CSNK1G1: variants seen among roughly 807,000 people sequenced by gnomAD.
CSNK1G1 encodes casein kinase I isoform gamma-1.
CSNK1G1 carries 22 observed loss-of-function variants against 59.6 expected under a neutral mutation model. That is an observed-to-expected ratio of 0.37 (90% CI 0.26 to 0.53). The LOEUF is 0.53. Ranked by LOEUF, CSNK1G1 falls within the 20% of genes least tolerant of loss-of-function variation. The probability of loss-of-function intolerance (pLI) is 0.89; values close to 1 mark genes in which losing one functional copy is unlikely to be tolerated. For synonymous variants in CSNK1G1, 179 were observed against 177.1 expected, an observed-to-expected ratio of 1.01 and a Z score of -0.08; for missense variants, 384 against 519.5, an observed-to-expected ratio of 0.74 and a Z score of 2.54.
intron 2 of CSNK1G1, among the ~76,000 whole-genome samples, chr15:64,297,628 T>C (rs1388562357): frequency 1.3e-5 from 2 of 151,670 alleles, no homozygotes; most frequent in Non-Finnish European, 2.9e-5. Context: ...AGCCTGGGAG[T>C]TGGAGGCTGC....
At chr15:64,249,015 C>T (rs960459426) in intron 4 of CSNK1G1, among the ~76,000 whole-genome samples, 15 of 152,058 alleles carry the variant, frequency 9.9e-5, no homozygotes, top group Non-Finnish European at 1.9e-4. Flanking sequence ...CCCAGCTACT[C>T]GGGAGGCTGA....
intron 11 of CSNK1G1, among the ~76,000 whole-genome samples, chr15:64,174,700 G>A (rs1305408091): frequency 6.6e-6 from 1 of 152,144 alleles, no homozygotes; most frequent in African/African-American, 2.4e-5. Context: ...CCAGGCCTCT[G>A]ACCCACTACC....
chr15:64,216,359 A>G lies in CSNK1G1; in HGVS notation c.444+203T>C, dbSNP rs1038692768. On this transcript the variant is annotated intron_variant, in intron 5 of 11. Coordinates refer to ENST00000303052, the MANE Select transcript of CSNK1G1 (RefSeq NM_022048.5). The surrounding 1 kb of genome is among the most constrained non-coding windows in gnomAD (Gnocchi z 4.6). The stretch of plus-strand genomic sequence containing the variant: ...GGCAGAGCATTGCTCCAAGGTGCAA[A>G]GTCTTAAAATAGAGCAAATTGCAGA... Among the ~76,000 whole-genome samples, 1 of 152,178 alleles carries G rather than the reference A, an allele frequency of 6.6e-6. No individual in the cohort carries two copies. The highest frequency in any genetic ancestry group is 1.5e-5 in the Non-Finnish European group (1 of 68,040).
chr15:64,243,602 C>T (rs1891592047), intron 4 of CSNK1G1, among the ~76,000 whole-genome samples: 1 of 152,012 alleles, frequency 6.6e-6, no homozygotes, highest in Non-Finnish European at 1.5e-5. Flanking sequence ...AGGAGGAAGT[C>T]GAATTGTCCC....
intron 7 of CSNK1G1, among the ~76,000 whole-genome samples, chr15:64,206,693 A>G (rs2082187148): frequency 6.6e-6 from 1 of 151,856 alleles, no homozygotes; most frequent in South Asian, 2.1e-4. Flanking sequence ...AAAGGCACAG[A>G]GTAATGATAA....
At chr15:64,354,395 T>C (rs1252093973) in intron 1 of CSNK1G1, among the ~76,000 whole-genome samples, 1 of 152,246 alleles carries the variant, frequency 6.6e-6, no homozygotes, top group Non-Finnish European at 1.5e-5. Context: ...TGTTAAGATT[T>C]ACATACATTA....
At chr15:64,261,583 A>G (rs549546955) in intron 2 of CSNK1G1, among the ~76,000 whole-genome samples, 2 of 152,020 alleles carry the variant, frequency 1.3e-5, no homozygotes, top group East Asian at 3.9e-4. Flanking sequence ...CATGGGAGAG[A>G]GGAACAAAAC....
chr15:64,338,661 C>CTGCA (rs1305589879), intron 1 of CSNK1G1, among the ~76,000 whole-genome samples: 2 of 123,912 alleles, frequency 1.6e-5, no homozygotes, highest in Non-Finnish European at 3.2e-5. Flanking sequence ...GATCGTGCCA[C>CTGCA]TGCACTCCAG....
At chr15:64,262,362 G>C (rs1167357583) in intron 2 of CSNK1G1, among the ~76,000 whole-genome samples, 2 of 152,222 alleles carry the variant, frequency 1.3e-5, no homozygotes, top group African/African-American at 2.4e-5. Context: ...GGCACAAGCA[G>C]CACTTGAAGT....
intron 2 of CSNK1G1, among the ~76,000 whole-genome samples, chr15:64,275,544 C>T (rs959068045): frequency 2.6e-5 from 4 of 152,020 alleles, no homozygotes; most frequent in Non-Finnish European, 4.4e-5. Flanking sequence ...AAAGGGCTTA[C>T]CTATCAACAA....
chr15:64,288,311 T>G (rs1894536407), intron 2 of CSNK1G1, among the ~76,000 whole-genome samples: 1 of 152,086 alleles, frequency 6.6e-6, no homozygotes, highest in Non-Finnish European at 1.5e-5. Context: ...CATAAGTATA[T>G]TGGGAGAATA....
At chr15:64,305,257 G>A (rs1231132700) in intron 1 of CSNK1G1, among the ~76,000 whole-genome samples, 2 of 152,056 alleles carry the variant, frequency 1.3e-5, no homozygotes, top group African/African-American at 4.8e-5. Flanking sequence ...ATCATACCCA[G>A]AATAAGTATT....
In CSNK1G1 at chr15:64,214,149, A is replaced by G; in HGVS notation, c.445-25T>C. 3 of 1,500,040 alleles carry G rather than the reference A, an allele frequency of 2.0e-6. No individual in the cohort carries two copies. The highest frequency in any genetic ancestry group is 2.8e-5 in the African/African-American group (2 of 72,688). 92.9% of individuals were successfully genotyped at this position (1,500,040 alleles called of 1,614,324 possible). A position where few individuals can be genotyped will look rare whatever the true frequency, so the allele number is the denominator to read the frequency against. On this transcript the variant is annotated intron_variant, in intron 5 of 11. Transcript: ENST00000303052. The surrounding 1 kb of genome is among the most constrained non-coding windows in gnomAD (Gnocchi z 4.3). ...GCTGAAAGAGAAACAAATGATAGAA[A>G]GACTGTAAAGAAGTATATCAGGAAA... is the stretch of plus-strand genomic sequence containing the variant.
chr15:64,187,197 T>G (rs2081908658), intron 10 of CSNK1G1, among the ~76,000 whole-genome samples: 1 of 151,374 alleles, frequency 6.6e-6, no homozygotes, highest in African/African-American at 2.4e-5. Flanking sequence ...CCATCATGGT[T>G]TTTTTTGGGG....
chr15:64,260,718 A>G (rs909062398), intron 2 of CSNK1G1, among the ~76,000 whole-genome samples: 5 of 152,188 alleles, frequency 3.3e-5, no homozygotes, highest in African/African-American at 1.2e-4. Flanking sequence ...AGCCTGGGCA[A>G]CAGAGTGAGA....
chr15:64,190,463 A>G (rs1184496783), intron 10 of CSNK1G1, among the ~76,000 whole-genome samples: 1 of 152,160 alleles, frequency 6.6e-6, no homozygotes, highest in Non-Finnish European at 1.5e-5. Flanking sequence ...TGCCCAGGCT[A>G]AAGTGCAATG....
rs35755513 is a variant in CSNK1G1, at chr15:64,355,987, C to T, written c.-225+1G>A. ...GAACCCCGACGAAGCCGGGCAGATA[C>T]CTGGTCCAGCAGTGCTGCAAGGCGC... is the stretch of plus-strand genomic sequence containing the variant. On this transcript the variant is annotated splice_donor_variant, in intron 1 of 11. Coordinates refer to ENST00000303052, the MANE Select transcript of CSNK1G1 (RefSeq NM_022048.5). LOFTEE classifies it low-confidence loss of function (5UTR_SPLICE). The T allele has an allele frequency of 0.053, 7,993 of 151,550 alleles. 307 individuals are homozygous for T. The highest frequency in any genetic ancestry group is 0.078 in the Non-Finnish European group (5,344 of 68,142). The allele number at this position is 151,550 out of a possible 1,614,324, so 9.4% of individuals were successfully genotyped here.
intron 10 of CSNK1G1, among the ~76,000 whole-genome samples, chr15:64,191,187 G>A (rs527269963): frequency 1.3e-5 from 2 of 152,036 alleles, no homozygotes; most frequent in South Asian, 2.1e-4. Context: ...TCAGCCTCCC[G>A]AGTAGCTGGG....
intron 2 of CSNK1G1, among the ~76,000 whole-genome samples, chr15:64,292,197 G>C (rs1282973985): frequency 2.0e-5 from 3 of 146,994 alleles, no homozygotes; most frequent in Admixed American, 6.8e-5. Context: ...GCGACAGAGC[G>C]AGACTCCGTC....
Sources: allele counts gnomAD v4.1 joint callset (sites outside exome capture counted in the v4.1 genomes callset), GRCh38; gene constraint gnomAD v4.1.1; non-coding constraint Gnocchi (gnomAD v3.1); transcripts MANE v1.5; gene names NCBI Gene and HGNC (gene_info 2026-07-23, HGNC 2026-07-21).